Variants in PLXDC2 observed in about 807,000 individuals in gnomAD.
The protein encoded by PLXDC2 is plexin domain containing 2.
Under a neutral mutation model 68.9 loss-of-function variants are expected in PLXDC2, and 40 were observed. The ratio of observed to expected loss-of-function variants is 0.58; its 90% CI spans 0.45 to 0.76. The LOEUF (loss-of-function observed/expected upper bound fraction) is 0.76, where lower values mean the gene tolerates loss of function less well. Among genes scored for constraint, PLXDC2 ranks in the 30% least tolerant of loss-of-function variants. The probability of loss-of-function intolerance (pLI) is 0.00; values close to 1 mark genes in which losing one functional copy is unlikely to be tolerated. For missense variants in PLXDC2, 644 were observed against 661.9 expected (o/e 0.97, Z 0.30); for synonymous variants, 243 against 234.2 (o/e 1.04, Z -0.34).
At chr10:20,176,739 G>A (rs1237188668) in intron 7 of PLXDC2, among the ~76,000 whole-genome samples, 2 of 152,064 alleles carry the variant, frequency 1.3e-5, no homozygotes, top group Non-Finnish European at 2.9e-5. Flanking sequence ...TATAGTCTGA[G>A]TGAGAATGAG....
rs951878912 is a variant in PLXDC2, at chr10:20,281,478, C to T, written c.*1659C>T. ...TGTCTCATAAGCAGCATTTTCCCAA[C>T]AGTTTAGCATCTGTACACATCTGCC... On this transcript the variant is annotated 3_prime_UTR_variant, in exon 14 of 14. Coordinates refer to ENST00000377252, the MANE Select transcript of PLXDC2 (RefSeq NM_032812.9). 7.9e-5 allele frequency: 12 copies of T among 152,182 alleles called. No homozygotes were observed. Among genetic ancestry groups the T allele is most frequent in the African/African-American group, 2.7e-4 (11 of 41,444 alleles). The allele number at this position is 152,182 out of a possible 1,614,324, so 9.4% of individuals were successfully genotyped here. A position where few individuals can be genotyped will look rare whatever the true frequency, so the allele number is the denominator to read the frequency against.
chr10:20,180,115 C>A (rs1589668009), intron 9 of PLXDC2, among the ~76,000 whole-genome samples: 1 of 152,050 alleles, frequency 6.6e-6, no homozygotes, highest in East Asian at 2.0e-4. Flanking sequence ...GAAAATCGAG[C>A]AAAGTCTAAG....
chr10:19,927,713 C>CGAAAAAAAAA (rs1833561639), intron 1 of PLXDC2, among the ~76,000 whole-genome samples: 1 of 53,142 alleles, frequency 1.9e-5, no homozygotes, highest in Non-Finnish European at 3.1e-5. Flanking sequence ...GGAAAAAAAG[C>CGAAAAAAAAA]AAAAAAAAAA....
intron 13 of PLXDC2, among the ~76,000 whole-genome samples, chr10:20,279,377 T>C (rs1324784460): frequency 6.6e-6 from 1 of 152,074 alleles, no homozygotes; most frequent in Non-Finnish European, 1.5e-5. Flanking sequence ...CTATTACAGT[T>C]CCTTTTTGCC....
At chr10:19,939,508 AAG>A (rs903598295) in intron 1 of PLXDC2, among the ~76,000 whole-genome samples, 33 of 152,328 alleles carry the variant, frequency 2.2e-4, no homozygotes, top group African/African-American at 7.7e-4. Context: ...GCCAAAAAAA[AAG>A]AGAACTGTAT....
intron 4 of PLXDC2, among the ~76,000 whole-genome samples, chr10:20,126,402 TGTATATACA>T (rs1326028749): frequency 1.8e-4 from 26 of 142,856 alleles, no homozygotes; most frequent in South Asian, 8.7e-4. Flanking sequence ...AATACATATA[TGTATATACA>T]ACACACGTTA....
intron 4 of PLXDC2, among the ~76,000 whole-genome samples, chr10:20,141,110 A>G (rs1437055423): frequency 6.6e-6 from 1 of 152,142 alleles, no homozygotes; most frequent in Non-Finnish European, 1.5e-5. Flanking sequence ...TTCTTTGGAA[A>G]CAATTTGAAA....
intron 6 of PLXDC2, among the ~76,000 whole-genome samples, chr10:20,161,606 C>G (rs891230802): frequency 2.0e-5 from 3 of 151,256 alleles, no homozygotes; most frequent in Non-Finnish European, 2.9e-5. Flanking sequence ...ATAAAAAGCA[C>G]TGGAGGAGAG....
chr10:20,076,158 G>A (rs1031649293), intron 4 of PLXDC2, among the ~76,000 whole-genome samples: 14 of 152,124 alleles, frequency 9.2e-5, no homozygotes, highest in Admixed American at 5.2e-4. Flanking sequence ...TAACATTGTC[G>A]AATCCTGGAA....
chr10:20,265,130 G>T (rs1835854065), intron 13 of PLXDC2, among the ~76,000 whole-genome samples: 1 of 152,164 alleles, frequency 6.6e-6, no homozygotes, highest in Admixed American at 6.6e-5. Flanking sequence ...TGTCAGCCAA[G>T]AATTTATATC....
intron 1 of PLXDC2, among the ~76,000 whole-genome samples, chr10:19,981,732 T>G (rs546719587): frequency 6.6e-6 from 1 of 152,194 alleles, no homozygotes; most frequent in Non-Finnish European, 1.5e-5. Flanking sequence ...AGCCAACTCT[T>G]TGTAAATCTT....
chr10:20,165,367 C>T (rs545760391), intron 7 of PLXDC2, among the ~76,000 whole-genome samples: 7 of 151,998 alleles, frequency 4.6e-5, no homozygotes, highest in Admixed American at 2.0e-4. Flanking sequence ...CACGCTGGTG[C>T]GCTACACCCA....
intron 3 of PLXDC2, among the ~76,000 whole-genome samples, chr10:20,065,230 G>T (rs1371403685): frequency 6.6e-6 from 1 of 152,178 alleles, no homozygotes; most frequent in Admixed American, 6.5e-5. Context: ...AGAGCTAAGG[G>T]TAGCAAGTGC....
intron 1 of PLXDC2, among the ~76,000 whole-genome samples, chr10:19,973,320 A>G: frequency 1.4e-5 from 2 of 142,942 alleles, no homozygotes; most frequent in African/African-American, 2.5e-5. Flanking sequence ...TCACATATAT[A>G]TGTATACATA....
At chr10:20,110,486 CT>C (rs1162921441) in intron 4 of PLXDC2, among the ~76,000 whole-genome samples, 1 of 152,180 alleles carries the variant, frequency 6.6e-6, no homozygotes, top group Non-Finnish European at 1.5e-5. Flanking sequence ...AGTATTTATA[CT>C]GTGGAATCCC....
intron 1 of PLXDC2, among the ~76,000 whole-genome samples, chr10:19,827,657 T>C (rs1836598491): frequency 6.6e-6 from 1 of 151,696 alleles, no homozygotes; most frequent in South Asian, 2.1e-4. Flanking sequence ...ACCTCCCGGG[T>C]TCAAGTGATT....
At chr10:19,916,101 G>A (rs966838492) in intron 1 of PLXDC2, among the ~76,000 whole-genome samples, 1 of 150,688 alleles carries the variant, frequency 6.6e-6, no homozygotes, top group African/African-American at 2.4e-5. Context: ...AAATATTTAC[G>A]GGGAAATTAT....
intron 12 of PLXDC2, among the ~76,000 whole-genome samples, chr10:20,239,991 A>T (rs538636658): frequency 6.6e-6 from 1 of 152,170 alleles, no homozygotes; most frequent in African/African-American, 2.4e-5. Flanking sequence ...TAGGTAAATT[A>T]TCATGGGAGT....
At chr10:20,162,061 AG>A (rs1834301853) in intron 6 of PLXDC2, among the ~76,000 whole-genome samples, 69 of 113,324 alleles carry the variant, frequency 6.1e-4, no homozygotes, top group African/African-American at 1.4e-3. Context: ...AGAGAGAGAG[AG>A]AGAGAGAGAG....
Sources: allele counts gnomAD v4.1 joint callset (sites outside exome capture counted in the v4.1 genomes callset), GRCh38; gene constraint gnomAD v4.1.1; transcripts MANE v1.5; gene names NCBI Gene and HGNC (gene_info 2026-07-23, HGNC 2026-07-21).